The following NEK10 variants were observed in gnomAD, a reference collection of about 807,000 sequenced individuals.
NEK10 encodes serine/threonine-protein kinase Nek10.
A neutral mutation model predicts 159.8 loss-of-function variants in NEK10; 122 were observed. The observed-to-expected ratio is 0.76, with a 90% CI of 0.66 to 0.89. The LOEUF (loss-of-function observed/expected upper bound fraction) is 0.89. NEK10 is among the 40% of genes least tolerant of loss of function. The probability of loss-of-function intolerance (pLI) is 0.00; values close to 1 mark genes in which losing one functional copy is unlikely to be tolerated. For missense variants in NEK10, 1,342 were observed against 1,323.1 expected (o/e 1.01, Z -0.22); for synonymous variants, 466 against 457.1 (o/e 1.02, Z -0.25).
intron 32 of NEK10, among the ~76,000 whole-genome samples, chr3:27,127,310 G>T (rs1942082316): frequency 6.6e-6 from 1 of 152,094 alleles, no homozygotes; most frequent in East Asian, 1.9e-4. Context: ...CACCTAAGAG[G>T]TTATTGATTC....
intron 23 of NEK10, chr3:27,215,812 A>G: frequency 1.4e-6 from 1 of 717,512 alleles, no homozygotes; most frequent in Non-Finnish European, 2.6e-6. Flanking sequence ...AGCAGAAGGC[A>G]AAGGAGGAGC....
At chr3:27,255,860 A>G (rs1200756637) in intron 23 of NEK10, among the ~76,000 whole-genome samples, 1 of 152,212 alleles carries the variant, frequency 6.6e-6, no homozygotes, top group Non-Finnish European at 1.5e-5. Context: ...TAGGATAGGT[A>G]TTAGTGTACA....
intron 23 of NEK10, among the ~76,000 whole-genome samples, chr3:27,216,979 C>T (rs1029542850): frequency 3.9e-5 from 6 of 151,952 alleles, no homozygotes; most frequent in Non-Finnish European, 8.8e-5. Flanking sequence ...AAAATATAAG[C>T]TTTGAATAAA....
At chr3:27,353,002 A>G (rs2048080144) in intron 1 of NEK10, 83 bp from the exon 2 acceptor site, 1 of 639,116 alleles carries the variant, frequency 1.6e-6, no homozygotes, top group South Asian at 1.9e-5. Context: ...AAACCCACTT[A>G]TAACATCTAT....
intron 15 of NEK10, among the ~76,000 whole-genome samples, chr3:27,293,948 C>T (rs1161081044): frequency 2.6e-5 from 4 of 152,118 alleles, no homozygotes; most frequent in African/African-American, 4.8e-5. Context: ...AATAAAATTC[C>T]GATGCTGAGA....
chr3:27,233,509 A>G (rs1953545868), intron 23 of NEK10, among the ~76,000 whole-genome samples: 1 of 152,050 alleles, frequency 6.6e-6, no homozygotes, highest in Non-Finnish European at 1.5e-5. Flanking sequence ...TACATAAAGA[A>G]CCAAAAGTAG....
intron 23 of NEK10, among the ~76,000 whole-genome samples, chr3:27,238,043 G>T (rs569470031): frequency 6.6e-6 from 1 of 152,230 alleles, no homozygotes; most frequent in South Asian, 2.1e-4. Flanking sequence ...TTTTTATTTG[G>T]GGATTAAGAA....
chr3:27,259,086 T>C (rs2149339768), intron 22 of NEK10, among the ~76,000 whole-genome samples: 1 of 152,262 alleles, frequency 6.6e-6, no homozygotes, highest in East Asian at 1.9e-4. Context: ...TATTGTAAAT[T>C]TGAGGGAGTT....
chr3:27,198,439 T>C (rs1035943828), intron 25 of NEK10, among the ~76,000 whole-genome samples: 27 of 150,510 alleles, frequency 1.8e-4, no homozygotes, highest in African/African-American at 5.9e-4. Flanking sequence ...AACAGACACA[T>C]AGACCAATGG....
intron 26 of NEK10, among the ~76,000 whole-genome samples, chr3:27,184,557 T>C (rs73151228): frequency 0.017 from 2,576 of 152,290 alleles, 77 homozygotes; most frequent in African/African-American, 0.059. Flanking sequence ...GTAAATTATA[T>C]GTCAATAAAA....
intron 13 of NEK10, 43 bp from the exon 14 acceptor site, chr3:27,297,283 T>C: frequency 7.8e-7 from 1 of 1,288,762 alleles, no homozygotes; most frequent in South Asian, 1.2e-5. Flanking sequence ...ATCATTACAA[T>C]AAATATACTA....
chr3:27,153,994 CAA>C (rs1231899977), intron 30 of NEK10, among the ~76,000 whole-genome samples: 2 of 151,910 alleles, frequency 1.3e-5, no homozygotes, highest in Non-Finnish European at 2.9e-5. Flanking sequence ...AAAAAATATA[CAA>C]AAGATACATG....
chr3:27,361,652 AAT>A, intron 1 of NEK10, among the ~76,000 whole-genome samples: 1 of 152,288 alleles, frequency 6.6e-6, no homozygotes, highest in East Asian at 1.9e-4. Flanking sequence ...CTTCCAATAA[AAT>A]AGTTAACCAT....
intron 31 of NEK10, among the ~76,000 whole-genome samples, chr3:27,138,072 C>T (rs1451962327): frequency 2.6e-5 from 4 of 152,206 alleles, no homozygotes; most frequent in Admixed American, 2.6e-4. Context: ...GATCTTGTTT[C>T]CTGGCTCCAG....
chr3:27,236,970 T>C (rs1953989204), intron 23 of NEK10, among the ~76,000 whole-genome samples: 1 of 152,106 alleles, frequency 6.6e-6, no homozygotes, highest in African/African-American at 2.4e-5. Flanking sequence ...TGTCCTTATC[T>C]CAACCGCATA....
At chr3:27,339,656 G>A (rs749213642) in intron 5 of NEK10, among the ~76,000 whole-genome samples, 2 of 152,104 alleles carry the variant, frequency 1.3e-5, no homozygotes, top group South Asian at 4.1e-4. Context: ...GTGTGCACCT[G>A]TAGTCCCAGC....
chr3:27,352,714 A>G (rs2048059032), intron 2 of NEK10, 98 bp downstream of exon 2: 1 of 866,220 alleles, frequency 1.2e-6, no homozygotes, highest in Non-Finnish European at 1.9e-6. Flanking sequence ...TCTGAATAGT[A>G]GTTGTCAAGA....
intron 22 of NEK10, among the ~76,000 whole-genome samples, chr3:27,282,271 T>G (rs944084649): frequency 3.3e-5 from 5 of 152,046 alleles, no homozygotes; most frequent in African/African-American, 7.2e-5. Flanking sequence ...TAAAACTGTT[T>G]TTCTCTATAA....
chr3:27,132,272 C>A (rs537978455), intron 31 of NEK10, among the ~76,000 whole-genome samples: 32 of 152,170 alleles, frequency 2.1e-4, no homozygotes, highest in Non-Finnish European at 4.1e-4. Flanking sequence ...TCATTAATTG[C>A]ACACATATAC....
Sources: gnomAD v4.1 joint callset for allele counts (sites outside exome capture counted in the v4.1 genomes callset) on GRCh38, gnomAD v4.1.1 for gene constraint, MANE v1.5 for transcripts, NCBI Gene and HGNC (gene_info 2026-07-23, HGNC 2026-07-21) for gene names.